The following TANC2 variants were observed in gnomAD, a reference collection of about 807,000 sequenced individuals.
TANC2 encodes the protein protein TANC2.
Under a neutral mutation model 210.5 loss-of-function variants are expected in TANC2, and 26 were observed. The ratio of observed to expected loss-of-function variants is 0.12; its 90% confidence interval spans 0.09 to 0.17. The LOEUF (loss-of-function observed/expected upper bound fraction) is 0.17, where lower values mean the gene tolerates loss of function less well. TANC2 is among the 10% of genes least tolerant of loss of function. TANC2 has a pLI of 1.00. For missense variants in TANC2, 2,129 were observed against 2,608.9 expected (o/e 0.82, Z 4.01); for synonymous variants, 931 against 967.1 (o/e 0.96, Z 0.69).
intron 4 of TANC2, chr17:63,149,266 C>T (rs2145385196): frequency 6.6e-6 from 1 of 152,218 alleles, no homozygotes; most frequent in Non-Finnish European, 1.5e-5. Flanking sequence ...ATACTCTCTT[C>T]ACAGTCTTCA....
chr17:63,291,111 A>G (rs1384083558), intron 9 of TANC2, among the ~76,000 whole-genome samples: 1 of 152,162 alleles, frequency 6.6e-6, no homozygotes, highest in African/African-American at 2.4e-5. Flanking sequence ...CACCGATTAT[A>G]AGTGCCTTGG....
chr17:63,378,190 T>C (rs1567967320), intron 14 of TANC2, among the ~76,000 whole-genome samples: 1 of 152,202 alleles, frequency 6.6e-6, no homozygotes, highest in Non-Finnish European at 1.5e-5. Flanking sequence ...CTAGTGTCCT[T>C]TAATGCCAGA....
At chr17:63,406,963 A>G (rs762966829) in intron 21 of TANC2, among the ~76,000 whole-genome samples, 3 of 152,228 alleles carry the variant, frequency 2.0e-5, no homozygotes, top group Non-Finnish European at 2.9e-5. Context: ...AGCAAGAGAC[A>G]GAGGCAGTCA....
intron 15 of TANC2, chr17:63,381,610 C>A (rs2047611960): frequency 6.6e-6 from 1 of 152,168 alleles, no homozygotes; most frequent in African/African-American, 2.4e-5. Flanking sequence ...TTTTACATTT[C>A]TCTGGTTTTA....
chr17:63,402,631 T>C (rs2048377881), intron 19 of TANC2, among the ~76,000 whole-genome samples: 1 of 152,224 alleles, frequency 6.6e-6, no homozygotes. Flanking sequence ...TCCCCAACTC[T>C]GAGCTACATC....
chr17:63,179,445 TGTC>T (rs1388256444), intron 5 of TANC2, among the ~76,000 whole-genome samples: 2 of 152,186 alleles, frequency 1.3e-5, no homozygotes, highest in African/African-American at 2.4e-5. Context: ...AGATAAGAAA[TGTC>T]GTGAAGATTA....
chr17:63,222,126 T>C lies in TANC2; in HGVS notation c.770-15688T>C, dbSNP rs562562987. Among the ~76,000 whole-genome samples the C allele has an allele frequency of 2.0e-5, 3 of 152,300 alleles. No homozygotes were observed. In the East Asian group the frequency reaches 5.8e-4, roughly 29 times the overall value. Reference sequence around the variant, plus strand: ...TGTCTGGTGAAGGCCAACTTCCTGTTTCGTAGACAGCATCATCCTCACATG... The same window carrying C: ...TGTCTGGTGAAGGCCAACTTCCTGTCTCGTAGACAGCATCATCCTCACATG... On this transcript the variant is annotated intron_variant, in intron 7 of 27. Transcript: ENST00000689528.
At chr17:63,123,974 C>T (rs985619753) in intron 4 of TANC2, among the ~76,000 whole-genome samples, 8 of 151,976 alleles carry the variant, frequency 5.3e-5, no homozygotes, top group Admixed American at 2.0e-4. Flanking sequence ...GTGCTGGGAT[C>T]ACAGGCATGA....
At chr17:63,298,315 A>G (rs925416094) in intron 9 of TANC2, among the ~76,000 whole-genome samples, 1 of 152,214 alleles carries the variant, frequency 6.6e-6, no homozygotes, top group Non-Finnish European at 1.5e-5. Context: ...TCATCAGTGG[A>G]TGAATGGATA....
In TANC2 at chr17:63,418,604, C is replaced by T. The variant is rs892465034; in HGVS notation, c.4268+197C>T. ...CAAATCTGCTGGGCTGTGGAGGCCA[C>T]GAATGTTTCACTTCGGGAGAAAAAC... is the stretch of plus-strand genomic sequence containing the variant. On this transcript the variant is annotated intron_variant, in intron 27 of 27. Coordinates refer to ENST00000689528, the Ensembl canonical transcript of TANC2. This position sits in a 1 kb window ranked among gnomAD's most constrained non-coding sequence, Gnocchi z 4.6. Among the ~76,000 whole-genome samples the T allele has an allele frequency of 6.6e-5, 10 of 152,206 alleles. No homozygotes were observed. The highest frequency in any genetic ancestry group is 1.3e-4 in the Admixed American group (2 of 15,286).
chr17:63,277,411 A>C (rs75514394), intron 9 of TANC2, among the ~76,000 whole-genome samples: 21,819 of 151,660 alleles, frequency 0.14, 1,993 homozygotes, highest in Middle Eastern at 0.21. Flanking sequence ...AAGACCCATC[A>C]GTTATCTTTT....
intron 5 of TANC2, among the ~76,000 whole-genome samples, chr17:63,185,295 G>C (rs562298125): frequency 6.6e-6 from 1 of 151,898 alleles, no homozygotes; most frequent in Admixed American, 6.6e-5. Context: ...GTTTCACCAT[G>C]TTGGCCAGGC....
At position 63,417,787 on chromosome 17, in the gene TANC2, A is replaced by C. The variant is rs965797913; in HGVS notation, c.4168-520A>C. On this transcript the variant is annotated intron_variant, in intron 26 of 27. Coordinates refer to ENST00000689528, the Ensembl canonical transcript of TANC2. ...AGAATTGAACCCAGGTCTGTCTGACACCCCCTCTCCCTCTAGTCTCTGTAG... is the reference window on the plus strand; with the variant it reads ...AGAATTGAACCCAGGTCTGTCTGACCCCCCCTCTCCCTCTAGTCTCTGTAG... Among the ~76,000 whole-genome samples, 11 of 151,862 alleles carry C rather than the reference A, an allele frequency of 7.2e-5. No individual in the cohort carries two copies. The East Asian group carries it at 2.1e-3, about 29-fold the overall frequency.
chr17:63,278,045 C>G (rs2043939420), intron 9 of TANC2, among the ~76,000 whole-genome samples: 3 of 152,030 alleles, frequency 2.0e-5, no homozygotes, highest in Non-Finnish European at 4.4e-5. Context: ...GTGGTACACG[C>G]CTGTAGTCCC....
chr17:63,312,105 A>G (rs756299962), intron 9 of TANC2, among the ~76,000 whole-genome samples: 1 of 152,216 alleles, frequency 6.6e-6, no homozygotes, highest in Non-Finnish European at 1.5e-5. Context: ...ACATCAGTAA[A>G]ATAGTGTTTA....
At chr17:63,087,819 T>C (rs927382462) in intron 3 of TANC2, among the ~76,000 whole-genome samples, 6 of 152,230 alleles carry the variant, frequency 3.9e-5, no homozygotes, top group African/African-American at 1.4e-4. Context: ...CTGAGGTTGC[T>C]GCTTGTGCGT....
chr17:63,302,370 C>T (rs1290675888), intron 9 of TANC2, among the ~76,000 whole-genome samples: 1 of 151,914 alleles, frequency 6.6e-6, no homozygotes, highest in Non-Finnish European at 1.5e-5. Flanking sequence ...CTAATATTGA[C>T]AATGGGGTGT....
At chr17:63,151,214 C>A (rs537401141) in intron 4 of TANC2, 56 bp from the exon 5 acceptor site, 123 of 833,782 alleles carry the variant, frequency 1.5e-4, no homozygotes, top group Admixed American at 3.7e-4. Flanking sequence ...CTTTCTCTTT[C>A]TTTCTCTCTT....
chr17:63,230,811 T>C (rs2042454916), intron 7 of TANC2, among the ~76,000 whole-genome samples: 1 of 152,186 alleles, frequency 6.6e-6, no homozygotes, highest in Non-Finnish European at 1.5e-5. Context: ...AGTTCCAGTC[T>C]TGAATATCTG....
Sources: allele counts gnomAD v4.1 joint callset (sites outside exome capture counted in the v4.1 genomes callset), GRCh38; gene constraint gnomAD v4.1.1; non-coding constraint Gnocchi (gnomAD v3.1); transcripts MANE v1.5; gene names NCBI Gene and HGNC (gene_info 2026-07-23, HGNC 2026-07-21).